The following HS6ST3 variants were observed in gnomAD, a reference collection of about 807,000 sequenced individuals.
HS6ST3 encodes the protein heparan-sulfate 6-O-sulfotransferase 3.
Under a neutral mutation model 36.7 loss-of-function variants are expected in HS6ST3, and 12 were observed. The ratio of observed to expected loss-of-function variants is 0.33; its 90% CI spans 0.21 to 0.53. The LOEUF is 0.53. HS6ST3 is among the 20% of genes least tolerant of loss of function. The pLI is 0.95. For synonymous variants in HS6ST3, 240 were observed against 257.5 expected (o/e 0.93, Z 0.65); for missense variants, 584 against 640.9 (o/e 0.91, Z 0.96).
chr13:96,829,575 T>C (rs1382909082), intron 1 of HS6ST3, among the ~76,000 whole-genome samples: 2 of 152,206 alleles, frequency 1.3e-5, no homozygotes, highest in African/African-American at 4.8e-5. Flanking sequence ...AGTGAGAACA[T>C]GCAGTATTTG....
chr13:96,551,753 C>T (rs1216793824), intron 1 of HS6ST3, among the ~76,000 whole-genome samples: 1 of 152,164 alleles, frequency 6.6e-6, no homozygotes, highest in African/African-American at 2.4e-5. Context: ...CACAGCCATC[C>T]TCGCCTACTG....
intron 1 of HS6ST3, among the ~76,000 whole-genome samples, chr13:96,261,318 ATATATATG>A (rs1275292820): frequency 2.0e-5 from 3 of 150,224 alleles, no homozygotes; most frequent in South Asian, 2.1e-4. Flanking sequence ...ATGATTTTAT[ATATATATG>A]TATATATGTA....
intron 1 of HS6ST3, among the ~76,000 whole-genome samples, chr13:96,091,970 C>T (rs2139289970): frequency 6.6e-6 from 1 of 152,164 alleles, no homozygotes; most frequent in South Asian, 2.1e-4. Context: ...AAACCCAAAC[C>T]CAGGAAAAGG....
chr13:96,675,218 T>A (rs1169113301), intron 1 of HS6ST3, among the ~76,000 whole-genome samples: 1 of 152,120 alleles, frequency 6.6e-6, no homozygotes, highest in African/African-American at 2.4e-5. Context: ...AATTTAATTT[T>A]AAAATTTAGA....
intron 1 of HS6ST3, among the ~76,000 whole-genome samples, chr13:96,517,753 A>AC (rs1401981372): frequency 6.6e-6 from 1 of 151,184 alleles, no homozygotes; most frequent in Non-Finnish European, 1.5e-5. Context: ...CCCTCCTGCC[A>AC]CCCCCCACTC....
chr13:96,317,369 A>AT (rs1566322167), intron 1 of HS6ST3, among the ~76,000 whole-genome samples: 2 of 17,036 alleles, frequency 1.2e-4, no homozygotes, highest in Non-Finnish European at 2.2e-4. Context: ...TATATATATA[A>AT]AATTATATAT....
chr13:96,285,568 T>A (rs910085952), intron 1 of HS6ST3, among the ~76,000 whole-genome samples: 2 of 152,168 alleles, frequency 1.3e-5, no homozygotes, highest in Non-Finnish European at 2.9e-5. Context: ...GAATAAGTCA[T>A]GAATTAGTTC....
At chr13:96,329,162 T>C (rs2055050500) in intron 1 of HS6ST3, among the ~76,000 whole-genome samples, 1 of 147,270 alleles carries the variant, frequency 6.8e-6, no homozygotes. Flanking sequence ...TTTGAAGCGT[T>C]TTTTGTGTCT....
At chr13:96,561,587 G>A (rs1050062043) in intron 1 of HS6ST3, among the ~76,000 whole-genome samples, 4 of 152,002 alleles carry the variant, frequency 2.6e-5, no homozygotes, top group Non-Finnish European at 2.9e-5. Context: ...ATTATCAACA[G>A]AGTAAACAGG....
chr13:96,155,061 A>G (rs1409225491), intron 1 of HS6ST3, among the ~76,000 whole-genome samples: 1 of 152,184 alleles, frequency 6.6e-6, no homozygotes, highest in African/African-American at 2.4e-5. Context: ...GGTTAAGTTA[A>G]TCATTCAGTT....
At chr13:96,169,909 G>C (rs530622684) in intron 1 of HS6ST3, 7 of 152,204 alleles carry the variant, frequency 4.6e-5, no homozygotes, top group Non-Finnish European at 1.0e-4. Flanking sequence ...GATGTGAGGA[G>C]AACATGGCTC....
At chr13:96,776,803 A>T (rs560446921) in intron 1 of HS6ST3, among the ~76,000 whole-genome samples, 10 of 152,152 alleles carry the variant, frequency 6.6e-5, no homozygotes, top group Non-Finnish European at 1.5e-4. Context: ...ACTATTCCAA[A>T]CAATAGAAAC....
At chr13:96,092,237 C>T (rs891530112) in intron 1 of HS6ST3, among the ~76,000 whole-genome samples, 2 of 152,150 alleles carry the variant, frequency 1.3e-5, no homozygotes, top group African/African-American at 4.8e-5. Context: ...CTTCCTAGGC[C>T]ATTACATCAA....
intron 1 of HS6ST3, among the ~76,000 whole-genome samples, chr13:96,191,570 T>C (rs1231927249): frequency 6.6e-6 from 1 of 152,216 alleles, no homozygotes; most frequent in African/African-American, 2.4e-5. Context: ...GTTAATTGCC[T>C]CTCTTATGTG....
intron 1 of HS6ST3, among the ~76,000 whole-genome samples, chr13:96,551,252 C>A (rs2056218240): frequency 6.6e-6 from 1 of 152,134 alleles, no homozygotes; most frequent in Admixed American, 6.6e-5. Flanking sequence ...TCAAAGTGAT[C>A]AAATAAAATG....
rs557704758 is a variant in HS6ST3, at chr13:96,590,357, C to G, written c.708-242133C>G. On this transcript the variant is annotated intron_variant, in intron 1 of 1. Transcript: ENST00000376705. ...TATTCTCACCTACATTTGTTATTGC[C>G]TGACTTTTGGATGAAAGCACTTTTA... Among the ~76,000 whole-genome samples, 3 of 152,050 alleles carry G rather than the reference C, an allele frequency of 2.0e-5. No individual in the cohort carries two copies. The South Asian group carries it at 6.2e-4, about 32-fold the overall frequency.
chr13:96,576,729 G>C (rs2056322793), intron 1 of HS6ST3, among the ~76,000 whole-genome samples: 1 of 151,876 alleles, frequency 6.6e-6, no homozygotes, highest in Non-Finnish European at 1.5e-5. Context: ...ATCACCTGAG[G>C]TCAGGAGTTG....
intron 1 of HS6ST3, among the ~76,000 whole-genome samples, chr13:96,438,311 C>A (rs1404284186): frequency 6.6e-6 from 1 of 152,164 alleles, no homozygotes; most frequent in East Asian, 1.9e-4. Context: ...CAAATTTTAA[C>A]CATATTCTGA....
chr13:96,748,173 A>G (rs1349458347), intron 1 of HS6ST3, among the ~76,000 whole-genome samples: 3 of 152,038 alleles, frequency 2.0e-5, no homozygotes, highest in African/African-American at 7.2e-5. Flanking sequence ...CCAGGTCATC[A>G]GAGTATAAAG....
Sources: allele counts gnomAD v4.1 joint callset (sites outside exome capture counted in the v4.1 genomes callset), GRCh38; gene constraint gnomAD v4.1.1; transcripts MANE v1.5; gene names NCBI Gene and HGNC (gene_info 2026-07-23, HGNC 2026-07-21).